The following MINDY4B variants were observed in gnomAD, a reference collection of about 807,000 sequenced individuals.
MINDY4B encodes the protein MINDY family member 4B.
Under a neutral mutation model 16.7 loss-of-function variants are expected in MINDY4B, and 25 were observed. The observed-to-expected ratio is 1.49, with a 90% CI of 1.09 to 2.09. MINDY4B has a LOEUF of 2.09. Among genes scored for constraint, MINDY4B ranks in the 30% most tolerant of loss-of-function variants. The pLI is 0.00. For missense variants in MINDY4B, 327 were observed against 168.4 expected (o/e 1.94, Z -5.21); for synonymous variants, 132 against 61.9 (o/e 2.13, Z -5.32).
chr3:150,883,604 A>G, intron 9 of MINDY4B, 96 bp downstream of exon 9: 1 of 658,146 alleles, frequency 1.5e-6, no homozygotes, highest in East Asian at 2.7e-5. Flanking sequence ...ACAATCCAAA[A>G]TTCAGATTGC....
intron 3 of MINDY4B, 87 bp from the exon 4 acceptor site, chr3:150,894,392 G>T: frequency 1.7e-6 from 1 of 595,432 alleles, no homozygotes; most frequent in Non-Finnish European, 3.0e-6. Flanking sequence ...ACCTCAAGGA[G>T]GTGGGCCTCG....
intron 7 of MINDY4B, among the ~76,000 whole-genome samples, chr3:150,888,259 T>C (rs569220): frequency 0.072 from 10,946 of 152,180 alleles, 476 homozygotes; most frequent in African/African-American, 0.11. Context: ...TGTTCTTCCA[T>C]GTGTTCAAAT....
intron 3 of MINDY4B, among the ~76,000 whole-genome samples, chr3:150,897,493 G>A (rs9680927): frequency 0.087 from 13,269 of 152,144 alleles, 1,104 homozygotes; most frequent in African/African-American, 0.22. Context: ...CAAACGGAGC[G>A]TGGAGCTCAA....
At chr3:150,899,366 T>C (rs940611485) in intron 3 of MINDY4B, among the ~76,000 whole-genome samples, 11 of 152,186 alleles carry the variant, frequency 7.2e-5, no homozygotes, top group African/African-American at 2.7e-4. Flanking sequence ...AGACAGAGAC[T>C]ATTTATAAAG....
chr3:150,904,941 C>T (rs1229444949), intron 2 of MINDY4B, 121 bp downstream of exon 2: 10 of 397,506 alleles, frequency 2.5e-5, no homozygotes, highest in East Asian at 2.1e-4. Context: ...TGTTTTCACG[C>T]GTTAAATGCC....
intron 11 of MINDY4B, among the ~76,000 whole-genome samples, chr3:150,872,296 A>T (rs1716989285): frequency 6.6e-6 from 1 of 152,258 alleles, no homozygotes; most frequent in Non-Finnish European, 1.5e-5. Context: ...TGTATTTCTC[A>T]TAATTAAAGA....
intron 10 of MINDY4B, among the ~76,000 whole-genome samples, chr3:150,875,572 A>G (rs887158741): frequency 1.3e-5 from 2 of 152,206 alleles, no homozygotes; most frequent in African/African-American, 2.4e-5. Context: ...GCTGACTGAC[A>G]CACTATTGTT....
chr3:150,901,522 CTT>C (rs10556676), intron 3 of MINDY4B: 11 of 134,968 alleles, frequency 8.2e-5, no homozygotes, highest in African/African-American at 8.1e-5. Context: ...CTTTTCTTTT[CTT>C]TTTTTTTTTT....
chr3:150,885,558 G>A, intron 7 of MINDY4B, 120 bp from the exon 8 acceptor site: 2 of 657,304 alleles, frequency 3.0e-6, no homozygotes, highest in South Asian at 3.4e-5. Flanking sequence ...CTGCTGAAAG[G>A]AATGAGCTCC....
intron 10 of MINDY4B, 67 bp downstream of exon 10, chr3:150,882,830 G>A (rs1007839204): frequency 1.7e-6 from 1 of 598,768 alleles, no homozygotes; most frequent in Non-Finnish European, 3.0e-6. Context: ...TGCCTAAATA[G>A]ACAGACTTTT....
intron 3 of MINDY4B, among the ~76,000 whole-genome samples, chr3:150,898,950 G>T (rs1712046980): frequency 6.6e-6 from 1 of 152,104 alleles, no homozygotes; most frequent in Non-Finnish European, 1.5e-5. Context: ...CCTCTTTAAA[G>T]CTCCTTCCCT....
At chr3:150,873,109 A>G (rs1717007875) in intron 11 of MINDY4B, 78 bp downstream of exon 11, 1 of 626,810 alleles carries the variant, frequency 1.6e-6, no homozygotes, top group Non-Finnish European at 2.9e-6. Flanking sequence ...ATGAATATCC[A>G]CACAGTTGTT....
intron 10 of MINDY4B, among the ~76,000 whole-genome samples, chr3:150,881,093 TATA>T (rs1480830138): frequency 6.6e-6 from 1 of 152,124 alleles, no homozygotes; most frequent in East Asian, 1.9e-4. Context: ...AGCCTCTAAA[TATA>T]ATGAGAGGCC....
intron 10 of MINDY4B, among the ~76,000 whole-genome samples, chr3:150,874,020 T>G (rs571998562): frequency 0.01 from 1,495 of 146,052 alleles, 39 homozygotes; most frequent in African/African-American, 0.036. Context: ...TTTTTTTTTT[T>G]TTTTTTTTTT....
intron 6 of MINDY4B, 87 bp downstream of exon 6, chr3:150,890,851 G>T (rs919516461): frequency 6.1e-6 from 4 of 657,718 alleles, no homozygotes; most frequent in Non-Finnish European, 1.1e-5. Context: ...CATGGATGGG[G>T]CCCCACCTGC....
chr3:150,894,360 T>G, intron 3 of MINDY4B, 55 bp from the exon 4 acceptor site: 1 of 639,144 alleles, frequency 1.6e-6, no homozygotes, highest in Non-Finnish European at 2.8e-6. Flanking sequence ...CTAGACATAT[T>G]CCTCATGGTG....
chr3:150,905,381 A>C lies in MINDY4B; in HGVS notation c.59T>G (p.Ile20Ser), dbSNP rs1378063842. ...GTCAAGGAATGAAATTTTCCTTGAG[A>C]TCTCCTCTAAATCCAGCTGTTCGGA... is the stretch of plus-strand genomic sequence containing the variant. Reference protein sequence around the residue: ...QSSEQLDLEEISRKISFLDKW... With the variant: ...QSSEQLDLEESSRKISFLDKW... Residue 20 changes from isoleucine (I) to serine (S), a missense_variant, in exon 1 of 12, where the codon ATC becomes AGC. Physicochemically the swap from Ile to Ser is moderately radical, Grantham distance 142. Transcript: ENST00000465419. 1 of 398,406 alleles carries C rather than the reference A, an allele frequency of 2.5e-6. No homozygotes were observed. Among genetic ancestry groups the C allele is most frequent in the African/African-American group, 2.1e-5 (1 of 48,618 alleles). The allele number at this position is 398,406 out of a possible 1,614,324, so 24.7% of individuals were successfully genotyped here.
intron 10 of MINDY4B, among the ~76,000 whole-genome samples, chr3:150,881,314 G>A (rs1711519712): frequency 6.6e-6 from 1 of 151,800 alleles, no homozygotes; most frequent in South Asian, 2.1e-4. Flanking sequence ...AACCCAGGAG[G>A]CGGAGGTTGC....
intron 11 of MINDY4B, among the ~76,000 whole-genome samples, chr3:150,871,425 C>T (rs1258778848): frequency 1.3e-5 from 2 of 152,002 alleles, no homozygotes; most frequent in Admixed American, 6.5e-5. Flanking sequence ...TGTTGAAACG[C>T]CCCATACAGA....
Sources: gnomAD v4.1 joint callset for allele counts (sites outside exome capture counted in the v4.1 genomes callset) on GRCh38, gnomAD v4.1.1 for gene constraint, MANE v1.5 for transcripts, NCBI Gene and HGNC (gene_info 2026-07-23, HGNC 2026-07-21) for gene names.